WDR35: variants seen among roughly 807,000 people sequenced by gnomAD.
The protein encoded by WDR35 is WD repeat domain 35, also known as WD repeat-containing protein 35.
Under a neutral mutation model 158.3 loss-of-function variants are expected in WDR35, and 118 were observed. The ratio of observed to expected loss-of-function variants is 0.75; its 90% confidence interval spans 0.64 to 0.87. The LOEUF is 0.87. Among genes scored for constraint, WDR35 ranks in the 40% least tolerant of loss-of-function variants. The pLI is 0.00. For synonymous variants in WDR35, 448 were observed against 476.1 expected, an observed-to-expected ratio of 0.94 and a Z score of 0.77; for missense variants, 1,263 against 1,405.8, an observed-to-expected ratio of 0.90 and a Z score of 1.62.
At position 19,948,148 on chromosome 2, in the gene WDR35, T is replaced by C; in HGVS notation, c.1524+16A>G. ...AAAGAATTATTATTCATAAAATAAG[T>C]TTTTGCAAAACTTACCACAATCAAT... On this transcript the variant is annotated intron_variant, in intron 14 of 26. Coordinates refer to ENST00000281405, the MANE Select transcript of WDR35 (RefSeq NM_020779.4). The C allele has an allele frequency of 6.3e-7, 1 of 1,598,020 alleles. No homozygotes were observed. Among genetic ancestry groups the C allele is most frequent in the South Asian group, 1.1e-5 (1 of 88,572 alleles).
intron 6 of WDR35, 104 bp from the exon 7 acceptor site, chr2:19,974,737 T>A: frequency 8.5e-7 from 1 of 1,170,054 alleles, no homozygotes; most frequent in Non-Finnish European, 1.2e-6. Context: ...AAATACAGTC[T>A]AAAAATCAGG....
At chr2:19,944,571 T>G (rs893393) in intron 16 of WDR35, among the ~76,000 whole-genome samples, 110 of 152,270 alleles carry the variant, frequency 7.2e-4, no homozygotes, top group African/African-American at 2.6e-3. Context: ...ACAATTGTTT[T>G]GTGGCAAGGA....
At chr2:19,963,751 T>TTTATTTAC (rs1553321170) in intron 10 of WDR35, among the ~76,000 whole-genome samples, 2 of 126,438 alleles carry the variant, frequency 1.6e-5, no homozygotes, top group East Asian at 2.6e-4. Flanking sequence ...TATTTATTTA[T>TTTATTTAC]TTACTTACTT....
chr2:19,937,708 G>C, intron 19 of WDR35, 35 bp downstream of exon 19: 1 of 1,612,394 alleles, frequency 6.2e-7, no homozygotes, highest in South Asian at 1.1e-5. Flanking sequence ...TGAACTGATA[G>C]AGTACTCAGG....
At chr2:19,940,333 C>T (rs1670833739) in intron 17 of WDR35, among the ~76,000 whole-genome samples, 1 of 152,030 alleles carries the variant, frequency 6.6e-6, no homozygotes, top group African/African-American at 2.4e-5. Flanking sequence ...CACCACTGCA[C>T]TCCAGCCTGG....
chr2:19,969,438 G>T, intron 9 of WDR35, 42 bp downstream of exon 9: 1 of 1,582,062 alleles, frequency 6.3e-7, no homozygotes. Context: ...AAATTATTTA[G>T]TAAGAAACAC....
intron 8 of WDR35, among the ~76,000 whole-genome samples, chr2:19,973,311 C>T (rs1322887533): frequency 1.3e-5 from 2 of 151,998 alleles, no homozygotes; most frequent in Non-Finnish European, 2.9e-5. Flanking sequence ...AAAATAACTA[C>T]TCCATGGTGA....
rs1270107859 is a variant in WDR35, at chr2:19,984,600, G to A, written c.143-2066C>T. On this transcript the variant is annotated intron_variant, in intron 2 of 26. Coordinates refer to ENST00000281405, the MANE Select transcript of WDR35 (RefSeq NM_020779.4). ...ATGAAATCAGTTATTCCAACAATCC[G>A]AAGTACATCAAAAAGTCCAAAGAAG... Among the ~76,000 whole-genome samples the A allele has an allele frequency of 3.3e-5, 5 of 152,112 alleles. No homozygotes were observed. In the South Asian group the frequency reaches 6.2e-4, roughly 19 times the overall value.
At chr2:19,962,125 G>A (rs1274644864) in intron 10 of WDR35, among the ~76,000 whole-genome samples, 1 of 152,136 alleles carries the variant, frequency 6.6e-6, no homozygotes, top group Non-Finnish European at 1.5e-5. Context: ...TGACCTTGAT[G>A]GAGCTTATGT....
intron 2 of WDR35, among the ~76,000 whole-genome samples, chr2:19,984,613 A>T (rs1321654410): frequency 6.6e-6 from 1 of 152,252 alleles, no homozygotes; most frequent in East Asian, 1.9e-4. Context: ...GTACATCAAA[A>T]AGTCCAAAGA....
intron 8 of WDR35, among the ~76,000 whole-genome samples, chr2:19,972,793 C>T (rs12612708): frequency 0.46 from 70,387 of 151,578 alleles, 16,522 homozygotes; most frequent in East Asian, 0.64. Flanking sequence ...TAGTCTATGG[C>T]GAATTTATAA....
At chr2:19,921,719 T>C (rs1201830884) in intron 25 of WDR35, among the ~76,000 whole-genome samples, 1 of 152,008 alleles carries the variant, frequency 6.6e-6, no homozygotes, top group African/African-American at 2.4e-5. Context: ...AAAGCCAAAA[T>C]AGAAAAATGG....
chr2:19,985,797 T>G (rs2103469488), intron 2 of WDR35, among the ~76,000 whole-genome samples: 1 of 147,002 alleles, frequency 6.8e-6, no homozygotes, highest in Non-Finnish European at 1.5e-5. Flanking sequence ...CTCAGGAGGC[T>G]GAGGCAGGAG....
Position 19,975,554 on chromosome 2 carries a change from A to C in WDR35, c.546T>G (p.Ile182Met). 6.2e-7 allele frequency: 1 copy of C among 1,613,838 alleles called. No homozygotes were observed. The highest frequency in any genetic ancestry group is 8.5e-7 in the Non-Finnish European group (1 of 1,179,816). Residue 182 changes from isoleucine to methionine, a missense_variant, in exon 6 of 27, where the codon ATT (isoleucine) becomes ATG (methionine). By Grantham distance (10) the Ile-to-Met change is conservative (BLOSUM62 1). Coordinates refer to ENST00000281405, the MANE Select transcript of WDR35 (RefSeq NM_020779.4). ...LFGMANGEIH[I>M]YDNQGNFMIK... ...CCATAAAATTTCCTTGATTATCGTAAATGTGTATTTCCCCATTTGCCATTC... is the reference window on the plus strand; with the variant it reads ...CCATAAAATTTCCTTGATTATCGTACATGTGTATTTCCCCATTTGCCATTC...
chr2:19,937,810 C>A lies in WDR35; in HGVS notation c.2200G>T (p.Ala734Ser). 1.2e-6 allele frequency: 2 copies of A among 1,614,140 alleles called. No individual in the cohort carries two copies. The highest frequency in any genetic ancestry group is 1.7e-6 in the Non-Finnish European group (2 of 1,180,004). Reference protein sequence around the residue: ...GKLLSESMKQAEVVGYFGRFE... With the variant: ...GKLLSESMKQSEVVGYFGRFE... ...CTGCCGAAGTAGCCAACAACTTCAG[C>A]CTGTTTCATTGACTCACTCAGTAGT... is the stretch of plus-strand genomic sequence containing the variant. Residue 734 changes from alanine to serine, a missense_variant, in exon 19 of 27, where the codon GCT (alanine) becomes TCT (serine). By Grantham distance (99) the Ala-to-Ser change is moderately conservative. Transcript: ENST00000281405.
rs1460789687 is a variant in WDR35, at chr2:19,937,806, T to C, written c.2204A>G (p.Glu735Gly). ...AAACCTGCCGAAGTAGCCAACAACT[T>C]CAGCCTGTTTCATTGACTCACTCAG... ...KLLSESMKQA[E>G]VVGYFGRFEE... Residue 735 changes from glutamate to glycine, a missense_variant, in exon 19 of 27, where the codon GAA (glutamate) becomes GGA (glycine). Transcript: ENST00000281405. 1.9e-6 allele frequency: 3 copies of C among 1,614,150 alleles called. No individual in the cohort carries two copies. The highest frequency in any genetic ancestry group is 2.2e-5 in the East Asian group (1 of 44,876).
intron 25 of WDR35, among the ~76,000 whole-genome samples, chr2:19,917,209 G>T (rs1405686562): frequency 6.6e-6 from 1 of 152,172 alleles, no homozygotes; most frequent in Non-Finnish European, 1.5e-5. Context: ...CCAACAAAAA[G>T]GATGTCCACT....
At chr2:19,961,983 A>G (rs1437685897) in intron 10 of WDR35, among the ~76,000 whole-genome samples, 1 of 152,180 alleles carries the variant, frequency 6.6e-6, no homozygotes, top group Non-Finnish European at 1.5e-5. Flanking sequence ...ATCTTAAAAA[A>G]TCCTTAAAGG....
chr2:19,924,673 G>C (rs1191776), intron 25 of WDR35, among the ~76,000 whole-genome samples: 44,849 of 152,118 alleles, frequency 0.29, 8,083 homozygotes, highest in Middle Eastern at 0.46. Context: ...CTATCAGAGG[G>C]AAAGCACATT....
Sources: allele counts gnomAD v4.1 joint callset (sites outside exome capture counted in the v4.1 genomes callset), GRCh38; gene constraint gnomAD v4.1.1; transcripts MANE v1.5; gene names NCBI Gene and HGNC (gene_info 2026-07-23, HGNC 2026-07-21).